The following PLS1 variants were observed in gnomAD, a reference collection of about 807,000 sequenced individuals.
The protein encoded by PLS1 is plastin-1.
Under a neutral mutation model 73.7 loss-of-function variants are expected in PLS1, and 32 were observed. That is an observed-to-expected ratio of 0.43 (90% confidence interval 0.33 to 0.58). PLS1 has a LOEUF of 0.58. PLS1 is among the 20% of genes least tolerant of loss of function. PLS1 has a pLI of 0.04. For synonymous variants in PLS1, 217 were observed against 261.3 expected (o/e 0.83, Z 1.63); for missense variants, 633 against 740.5 (o/e 0.85, Z 1.68).
intron 1 of PLS1, chr3:142,619,739 T>C (rs1010604028): frequency 1.3e-5 from 2 of 152,252 alleles, no homozygotes; most frequent in East Asian, 3.8e-4. Context: ...GTATGTATTG[T>C]GTCCTTAGAA....
At chr3:142,693,950 C>T (rs2038139819) in intron 10 of PLS1, among the ~76,000 whole-genome samples, 1 of 151,776 alleles carries the variant, frequency 6.6e-6, no homozygotes, top group South Asian at 2.1e-4. Context: ...TTTATATTTA[C>T]CTGTAATCCC....
intron 1 of PLS1, among the ~76,000 whole-genome samples, chr3:142,651,421 C>G (rs111649722): frequency 3.7e-4 from 50 of 135,526 alleles, no homozygotes; most frequent in African/African-American, 1.4e-3. Flanking sequence ...AAAATTGTGC[C>G]ATTGCACTCC....
intron 4 of PLS1, among the ~76,000 whole-genome samples, chr3:142,672,267 T>C (rs2037618707): frequency 6.6e-6 from 1 of 152,026 alleles, no homozygotes; most frequent in South Asian, 2.1e-4. Flanking sequence ...TTTTCTGATA[T>C]TTGTCACCAT....
At chr3:142,653,848 C>A (rs2037158112) in intron 1 of PLS1, among the ~76,000 whole-genome samples, 1 of 152,144 alleles carries the variant, frequency 6.6e-6, no homozygotes, top group Non-Finnish European at 1.5e-5. Flanking sequence ...TACAAAAAAT[C>A]AGTTTAAATT....
intron 11 of PLS1, 48 bp downstream of exon 11, chr3:142,694,595 C>A: frequency 8.7e-7 from 1 of 1,147,140 alleles, no homozygotes; most frequent in Non-Finnish European, 1.3e-6. Flanking sequence ...TCCAACTTTT[C>A]AAGTTTCAAA....
At chr3:142,645,300 G>A (rs976202148) in intron 1 of PLS1, 1 of 152,076 alleles carries the variant, frequency 6.6e-6, no homozygotes, top group South Asian at 2.1e-4. Flanking sequence ...TAATAGGGAA[G>A]GCCAGCGTTG....
At chr3:142,684,213 T>G (rs2037914632) in intron 7 of PLS1, 40 bp from the exon 8 acceptor site, 2 of 1,613,816 alleles carry the variant, frequency 1.2e-6, no homozygotes, top group East Asian at 4.5e-5. Flanking sequence ...GACATGTACT[T>G]GCTATGGGAA....
chr3:142,638,343 A>G (rs2036744429), intron 1 of PLS1, among the ~76,000 whole-genome samples: 1 of 152,216 alleles, frequency 6.6e-6, no homozygotes, highest in South Asian at 2.1e-4. Flanking sequence ...CACGTTTCAA[A>G]GCTCAGTTGA....
At chr3:142,706,200 T>A (rs2038458887) in intron 14 of PLS1, among the ~76,000 whole-genome samples, 1 of 152,200 alleles carries the variant, frequency 6.6e-6, no homozygotes, top group Admixed American at 6.5e-5. Flanking sequence ...GAAATTAATT[T>A]GGCCCTCAGA....
intron 1 of PLS1, among the ~76,000 whole-genome samples, chr3:142,633,429 A>T (rs1244892553): frequency 6.6e-6 from 1 of 152,150 alleles, no homozygotes; most frequent in African/African-American, 2.4e-5. Flanking sequence ...GCCGAGACAG[A>T]TGGATCACCT....
At chr3:142,683,751 G>A (rs769163597) in intron 6 of PLS1, among the ~76,000 whole-genome samples, 16 of 152,198 alleles carry the variant, frequency 1.1e-4, no homozygotes, top group Middle Eastern at 3.4e-3. Context: ...ACATAACCAA[G>A]TACATATATA....
chr3:142,651,685 A>G (rs146839758), intron 1 of PLS1, among the ~76,000 whole-genome samples: 23 of 152,320 alleles, frequency 1.5e-4, no homozygotes, highest in Admixed American at 5.9e-4. Flanking sequence ...TGGGAGGCCA[A>G]TGAATGAACA....
At chr3:142,616,550 T>C (rs1031276154) in intron 1 of PLS1, among the ~76,000 whole-genome samples, 3 of 152,238 alleles carry the variant, frequency 2.0e-5, no homozygotes, top group Admixed American at 1.3e-4. Flanking sequence ...ACTATTTGCT[T>C]TTTGTATCTA....
At chr3:142,624,848 C>T (rs932148554) in intron 1 of PLS1, among the ~76,000 whole-genome samples, 3 of 152,170 alleles carry the variant, frequency 2.0e-5, no homozygotes, top group Admixed American at 2.0e-4. Flanking sequence ...AATTGCCTTT[C>T]CTCTATTATA....
At chr3:142,671,226 T>G (rs751499279) in intron 4 of PLS1, 104 bp downstream of exon 4, 2 of 1,004,442 alleles carry the variant, frequency 2.0e-6, no homozygotes, top group Non-Finnish European at 3.1e-6. Flanking sequence ...ATACCGTTAT[T>G]TTATGTGCCA....
intron 12 of PLS1, among the ~76,000 whole-genome samples, chr3:142,699,230 C>T (rs1289154208): frequency 6.6e-6 from 1 of 152,052 alleles, no homozygotes; most frequent in East Asian, 1.9e-4. Flanking sequence ...GAGGCTAAGG[C>T]AGGTGGATCA....
intron 1 of PLS1, among the ~76,000 whole-genome samples, chr3:142,619,996 C>T (rs1292809160): frequency 1.3e-5 from 2 of 152,166 alleles, no homozygotes; most frequent in Non-Finnish European, 2.9e-5. Flanking sequence ...GCTACTCCCA[C>T]AATCAGCACC....
In PLS1 at chr3:142,669,397, C is replaced by T. The variant is rs144864142; in HGVS notation, c.78C>T (p.Asp26=). ...LQEAFNKIDI[D]NSGYVSDYEL... Reference sequence around the variant, plus strand: ...TATAATATATCTTTACAGATATTGACAATAGTGGGTATGTCAGTGACTATG... The same window carrying T: ...TATAATATATCTTTACAGATATTGATAATAGTGGGTATGTCAGTGACTATG... Residue 26 remains aspartate, a synonymous_variant, in exon 3 of 16, where the codon GAC becomes GAT. Coordinates refer to ENST00000457734, the MANE Select transcript of PLS1 (RefSeq NM_001145319.2). The T allele has an allele frequency of 3.0e-4, 465 of 1,538,270 alleles. 3 individuals carry two copies. Among genetic ancestry groups the T allele is most frequent in the Middle Eastern group, 1.5e-3 (9 of 5,852 alleles).
chr3:142,701,487 G>C (rs2038330597), intron 12 of PLS1, among the ~76,000 whole-genome samples: 1 of 152,150 alleles, frequency 6.6e-6, no homozygotes, highest in African/African-American at 2.4e-5. Flanking sequence ...TCAGATTAGG[G>C]ATGCTCAACC....
Sources: gnomAD v4.1 joint callset for allele counts (sites outside exome capture counted in the v4.1 genomes callset) on GRCh38, gnomAD v4.1.1 for gene constraint, MANE v1.5 for transcripts, NCBI Gene and HGNC (gene_info 2026-07-23, HGNC 2026-07-21) for gene names.